RNF4: variants seen among roughly 807,000 people sequenced by gnomAD.
The protein encoded by RNF4 is ring finger protein 4, also known as E3 ubiquitin-protein ligase RNF4.
A neutral mutation model predicts 24.3 loss-of-function variants in RNF4; 7 were observed. The observed-to-expected ratio is 0.29, with a 90% CI of 0.16 to 0.54. The LOEUF (loss-of-function observed/expected upper bound fraction) is 0.54, where lower values mean the gene tolerates loss of function less well. Among genes scored for constraint, RNF4 ranks in the 20% least tolerant of loss-of-function variants. The pLI is 0.95. For synonymous variants in RNF4, 83 were observed against 84.3 expected (o/e 0.98, Z 0.09); for missense variants, 209 against 248.5 (o/e 0.84, Z 1.07).
intron 4 of RNF4, among the ~76,000 whole-genome samples, chr4:2,509,274 A>G (rs968408652): frequency 4.0e-5 from 6 of 150,736 alleles, no homozygotes; most frequent in Non-Finnish European, 7.4e-5. Context: ...CTGGAGTGCA[A>G]TGGCGTGACC....
chr4:2,513,563 T>C, intron 7 of RNF4, 107 bp from the exon 8 acceptor site: 1 of 1,377,160 alleles, frequency 7.3e-7, no homozygotes, highest in South Asian at 1.3e-5. Context: ...TGGCCCTTGC[T>C]TTCCTTTAAT....
chr4:2,514,361 A>G lies in RNF4; in HGVS notation c.*542A>G, dbSNP rs2108781669. 1 of 159,938 alleles carries G rather than the reference A, an allele frequency of 6.3e-6. No homozygotes were observed. The highest frequency in any genetic ancestry group is 1.7e-4 in the South Asian group (1 of 5,760). The allele number at this position is 159,938 out of a possible 1,614,324, so 9.9% of individuals were successfully genotyped here. A position where few individuals can be genotyped will look rare whatever the true frequency, so the allele number is the denominator to read the frequency against. ...CCCGTGATTCTGCCTGCACCTTATCATTGATCTGCAGTGATTTCTGCAAAT... is the reference window on the plus strand; with the variant it reads ...CCCGTGATTCTGCCTGCACCTTATCGTTGATCTGCAGTGATTTCTGCAAAT... On this transcript the variant is annotated 3_prime_UTR_variant, in exon 8 of 8. Transcript: ENST00000314289.
chr4:2,493,490 G>T (rs1735641073), intron 2 of RNF4, among the ~76,000 whole-genome samples: 1 of 151,998 alleles, frequency 6.6e-6, no homozygotes, highest in South Asian at 2.1e-4. Flanking sequence ...TAGTAAGAAA[G>T]ACTTGGTCTG....
intron 2 of RNF4, among the ~76,000 whole-genome samples, chr4:2,494,928 G>C (rs183919063): frequency 3.9e-5 from 6 of 152,302 alleles, no homozygotes; most frequent in Non-Finnish European, 7.3e-5. Flanking sequence ...ACAGGTCTTT[G>C]AATAAATTTT....
intron 2 of RNF4, chr4:2,494,830 G>A (rs943133726): frequency 3.3e-5 from 5 of 152,352 alleles, no homozygotes; most frequent in Admixed American, 1.3e-4. Flanking sequence ...GCATGCCAAG[G>A]TAAATATTTA....
intron 2 of RNF4, among the ~76,000 whole-genome samples, chr4:2,491,340 G>A (rs1215957458): frequency 6.6e-6 from 1 of 152,094 alleles, no homozygotes; most frequent in African/African-American, 2.4e-5. Flanking sequence ...GGGTTCAAGT[G>A]ATTCTTGTGC....
At chr4:2,511,734 C>G (rs190242767) in intron 4 of RNF4, among the ~76,000 whole-genome samples, 90 of 152,270 alleles carry the variant, frequency 5.9e-4, no homozygotes, top group African/African-American at 1.8e-3. Context: ...CAGGGAGAGA[C>G]ACAGCACATC....
At chr4:2,495,795 G>A (rs1457581358) in intron 2 of RNF4, among the ~76,000 whole-genome samples, 1 of 152,298 alleles carries the variant, frequency 6.6e-6, no homozygotes, top group African/African-American at 2.4e-5. Flanking sequence ...ACCACGCCCA[G>A]CTAATTTTGT....
At chr4:2,505,119 C>T (rs186197646) in intron 4 of RNF4, 3 of 152,114 alleles carry the variant, frequency 2.0e-5, no homozygotes, top group Admixed American at 6.6e-5. Context: ...CTAGCTCATC[C>T]CAGTAGCTTT....
intron 2 of RNF4, among the ~76,000 whole-genome samples, chr4:2,494,355 T>A (rs571292327): frequency 6.6e-6 from 1 of 150,426 alleles, no homozygotes; most frequent in Admixed American, 6.8e-5. Context: ...TTTGTCCCAA[T>A]TGGCTAGCAA....
At chr4:2,513,384 T>G (rs1237361756) in intron 7 of RNF4, among the ~76,000 whole-genome samples, 1 of 152,194 alleles carries the variant, frequency 6.6e-6, no homozygotes, top group Non-Finnish European at 1.5e-5. Flanking sequence ...CCTCCTTTTT[T>G]GTGCCCCATC....
intron 3 of RNF4, 119 bp from the exon 4 acceptor site, chr4:2,500,540 T>C: frequency 2.0e-6 from 2 of 979,498 alleles, no homozygotes; most frequent in Non-Finnish European, 3.1e-6. Flanking sequence ...CAGTGTATAC[T>C]TCAGGATTGT....
chr4:2,492,891 A>G (rs1234405420), intron 2 of RNF4, among the ~76,000 whole-genome samples: 2 of 152,296 alleles, frequency 1.3e-5, no homozygotes, highest in East Asian at 1.9e-4. Flanking sequence ...AGGCAAAACA[A>G]TGTAGCCTTT....
chr4:2,508,430 AT>A (rs760063090), intron 4 of RNF4, among the ~76,000 whole-genome samples: 52 of 152,274 alleles, frequency 3.4e-4, no homozygotes, highest in Admixed American at 5.9e-4. Flanking sequence ...ATTTAGGTTC[AT>A]TACAGAGTTC....
At chr4:2,469,370 T>G (rs1027522929) in intron 1 of RNF4, 112 bp downstream of exon 1, 1 of 152,266 alleles carries the variant, frequency 6.6e-6, no homozygotes, top group Admixed American at 6.5e-5. Flanking sequence ...GCCGAGGCTT[T>G]GCAGCCCGGG....
At position 2,512,528 on chromosome 4, in the gene RNF4, G is replaced by A. The variant is rs200323065; in HGVS notation, c.305G>A (p.Arg102Lys). 1 of 1,613,814 alleles carries A rather than the reference G, an allele frequency of 6.2e-7. No individual in the cohort carries two copies. The highest frequency in any genetic ancestry group is 1.7e-5 in the Admixed American group (1 of 59,984). ...AGCAGTGACGATGAGGAGTTGTCCA[G>A]GGACAGAGACGTATATGTGACTACC... ...VVSSDDEELS[R>K]DRDVYVTTHT... Residue 102 changes from arginine (R) to lysine (K), a missense_variant, in exon 6 of 8, where the codon AGG becomes AAG. By Grantham distance (26) the Arg-to-Lys change is conservative. This residue lies in a region of RNF4 where 182 missense variants were observed against 197.2 expected (regional missense o/e 0.92). Transcript: ENST00000314289. The surrounding 1 kb of genome is among the most constrained non-coding windows in gnomAD (Gnocchi z 4.1).
chr4:2,505,243 A>G (rs1736043684), intron 4 of RNF4: 1 of 151,466 alleles, frequency 6.6e-6, no homozygotes, highest in South Asian at 2.1e-4. Context: ...GGATAAATAG[A>G]TTTGCAGGCA....
chr4:2,478,895 C>A (rs1253827587), intron 1 of RNF4, among the ~76,000 whole-genome samples: 1 of 152,206 alleles, frequency 6.6e-6, no homozygotes, highest in Admixed American at 6.5e-5. Context: ...AATGATAGAT[C>A]CACTGACAGC....
intron 1 of RNF4, chr4:2,481,276 C>T (rs1735236315): frequency 6.6e-6 from 1 of 151,780 alleles, no homozygotes; most frequent in Non-Finnish European, 1.5e-5. Flanking sequence ...CTACCATTTT[C>T]ACTAGATTGT....
Sources: allele counts gnomAD v4.1 joint callset (sites outside exome capture counted in the v4.1 genomes callset), GRCh38; gene constraint gnomAD v4.1.1; regional missense constraint gnomAD v4.1.1; non-coding constraint Gnocchi (gnomAD v3.1); transcripts MANE v1.5; gene names NCBI Gene and HGNC (gene_info 2026-07-23, HGNC 2026-07-21).